Variants in BNC2 observed in about 807,000 individuals in gnomAD.
BNC2 encodes basonuclin zinc finger protein 2.
BNC2 carries 20 observed loss-of-function variants against 76.3 expected under a neutral mutation model. The observed-to-expected ratio is 0.26, with a 90% CI of 0.18 to 0.38. The LOEUF (loss-of-function observed/expected upper bound fraction) is 0.38, where lower values mean the gene tolerates loss of function less well. Ranked by LOEUF, BNC2 falls within the 10% of genes least tolerant of loss-of-function variation. The pLI, the probability that BNC2 is intolerant of heterozygous loss-of-function variation, is 1.00. For missense variants in BNC2, 1,382 were observed against 1,399.8 expected (o/e 0.99, Z 0.20); for synonymous variants, 582 against 514.8 (o/e 1.13, Z -1.77).
chr9:16,479,265 A>G (rs1292799643), intron 5 of BNC2, among the ~76,000 whole-genome samples: 4 of 90,518 alleles, frequency 4.4e-5, no homozygotes, highest in Admixed American at 4.4e-4. Flanking sequence ...AAAAAAAAAG[A>G]AAAGAAAAGA....
rs1380918530 is a variant in BNC2, at chr9:16,411,173, C to G, written c.*7816G>C. The G allele has an allele frequency of 1.3e-5, 2 of 152,638 alleles. No individual in the cohort carries two copies. The highest frequency in any genetic ancestry group is 4.8e-5 in the African/African-American group (2 of 41,422). The allele number at this position is 152,638 out of a possible 1,614,324, so 9.5% of individuals were successfully genotyped here. ...ACCCAGGGTCTCCCCAGAGTCACCT[C>G]TCAATCCTTGCATTCCATGACAGAA... On this transcript the variant is annotated 3_prime_UTR_variant, in exon 7 of 7. Coordinates refer to ENST00000380672, the MANE Select transcript of BNC2 (RefSeq NM_017637.6).
intron 4 of BNC2, among the ~76,000 whole-genome samples, chr9:16,554,402 C>T (rs1397424718): frequency 6.6e-6 from 1 of 152,124 alleles, no homozygotes. Flanking sequence ...TATCATTTAC[C>T]CGCTGGCTTC....
intron 1 of BNC2, among the ~76,000 whole-genome samples, chr9:16,791,381 A>G (rs898440967): frequency 8.5e-5 from 13 of 152,166 alleles, no homozygotes; most frequent in Admixed American, 8.5e-4. Flanking sequence ...TTAATGTAAC[A>G]TGATAACTGA....
intron 5 of BNC2, among the ~76,000 whole-genome samples, chr9:16,515,033 A>G (rs540000453): frequency 6.6e-6 from 1 of 152,356 alleles, no homozygotes; most frequent in South Asian, 2.1e-4. Context: ...ACGGGAGGAA[A>G]GAGAACTCCC....
At chr9:16,597,144 G>A (rs1446735819) in intron 3 of BNC2, among the ~76,000 whole-genome samples, 1 of 151,994 alleles carries the variant, frequency 6.6e-6, no homozygotes, top group Non-Finnish European at 1.5e-5. Context: ...TTTTACACAA[G>A]GGAAAGAAAA....
intron 1 of BNC2, among the ~76,000 whole-genome samples, chr9:16,860,694 T>C: frequency 6.6e-6 from 1 of 152,186 alleles, no homozygotes; most frequent in East Asian, 1.9e-4. Context: ...CAAAAATTGA[T>C]AAATTAGACT....
chr9:16,603,843 T>A (rs984714667), intron 3 of BNC2, among the ~76,000 whole-genome samples: 5 of 151,054 alleles, frequency 3.3e-5, no homozygotes, highest in Middle Eastern at 3.4e-3. Flanking sequence ...TTTAGGTATA[T>A]TTTCAAACCT....
At chr9:16,459,656 C>A (rs1264251721) in intron 5 of BNC2, among the ~76,000 whole-genome samples, 6 of 152,184 alleles carry the variant, frequency 3.9e-5, no homozygotes, top group South Asian at 4.1e-4. Flanking sequence ...AAACAGCATG[C>A]AAACAGCAGC....
intron 3 of BNC2, among the ~76,000 whole-genome samples, chr9:16,592,992 T>C (rs77157387): frequency 0.1 from 15,585 of 152,096 alleles, 1,121 homozygotes; most frequent in African/African-American, 0.2. Context: ...TTTCAAATAT[T>C]TGCGGGGCAA....
intron 3 of BNC2, among the ~76,000 whole-genome samples, chr9:16,700,288 C>T (rs1215570462): frequency 6.6e-6 from 1 of 152,130 alleles, no homozygotes; most frequent in African/African-American, 2.4e-5. Context: ...GTTGCTCATG[C>T]CTATAATCCC....
chr9:16,697,331 C>T (rs976466220), intron 3 of BNC2, among the ~76,000 whole-genome samples: 2 of 151,798 alleles, frequency 1.3e-5, no homozygotes, highest in African/African-American at 4.8e-5. Flanking sequence ...GGTGACAGAG[C>T]GAGACTCCAC....
chr9:16,753,605 A>G (rs1424101751), intron 1 of BNC2, among the ~76,000 whole-genome samples: 3 of 152,236 alleles, frequency 2.0e-5, no homozygotes, highest in African/African-American at 7.2e-5. Context: ...TTTTAACAGT[A>G]TCAATCACAC....
intron 3 of BNC2, among the ~76,000 whole-genome samples, chr9:16,611,447 A>G (rs1009034209): frequency 6.6e-6 from 1 of 152,136 alleles, no homozygotes; most frequent in African/African-American, 2.4e-5. Flanking sequence ...CTGGACATCA[A>G]TCTTATGTTA....
intron 3 of BNC2, among the ~76,000 whole-genome samples, chr9:16,696,896 T>C (rs1823354763): frequency 6.6e-6 from 1 of 152,196 alleles, no homozygotes; most frequent in Non-Finnish European, 1.5e-5. Flanking sequence ...CCTATTAAGG[T>C]TCAGTAACTA....
chr9:16,445,881 T>A (rs944464049), intron 5 of BNC2, among the ~76,000 whole-genome samples: 1 of 152,210 alleles, frequency 6.6e-6, no homozygotes, highest in African/African-American at 2.4e-5. Context: ...TTCATCCAGA[T>A]AATAAAGGAC....
chr9:16,612,751 CA>C (rs1326467210), intron 3 of BNC2, among the ~76,000 whole-genome samples: 8 of 152,078 alleles, frequency 5.3e-5, no homozygotes, highest in African/African-American at 1.9e-4. Context: ...CTTTAGGGTT[CA>C]GGGGAGACAG....
chr9:16,723,739 G>T (rs1824235238), intron 3 of BNC2, among the ~76,000 whole-genome samples: 1 of 152,006 alleles, frequency 6.6e-6, no homozygotes, highest in East Asian at 1.9e-4. Context: ...TCTCTGGTGA[G>T]CAGACGCTCT....
At chr9:16,494,055 T>C (rs1025788040) in intron 5 of BNC2, among the ~76,000 whole-genome samples, 2 of 152,166 alleles carry the variant, frequency 1.3e-5, no homozygotes, top group African/African-American at 4.8e-5. Flanking sequence ...GATACAACAC[T>C]GAATAAAACA....
chr9:16,608,238 C>T (rs10123447), intron 3 of BNC2, among the ~76,000 whole-genome samples: 1,917 of 152,226 alleles, frequency 0.013, 37 homozygotes, highest in African/African-American at 0.043. Flanking sequence ...CTTGTAACAA[C>T]TGAATGGTAC....
Sources: allele counts gnomAD v4.1 joint callset (sites outside exome capture counted in the v4.1 genomes callset), GRCh38; gene constraint gnomAD v4.1.1; transcripts MANE v1.5; gene names NCBI Gene and HGNC (gene_info 2026-07-23, HGNC 2026-07-21).